The following PDE4B variants were observed in gnomAD, a reference collection of about 807,000 sequenced individuals.
PDE4B encodes the protein phosphodiesterase 4B.
In PDE4B, 20 loss-of-function variants were observed where a neutral mutation model predicts 82.2. The observed-to-expected ratio is 0.24, with a 90% confidence interval of 0.17 to 0.35. The LOEUF (loss-of-function observed/expected upper bound fraction) is 0.35, where lower values mean the gene tolerates loss of function less well. Ranked by LOEUF, PDE4B falls within the 10% of genes least tolerant of loss-of-function variation. The probability of loss-of-function intolerance (pLI) is 1.00; values close to 1 mark genes in which losing one functional copy is unlikely to be tolerated. For synonymous variants in PDE4B, 320 were observed against 318.9 expected (o/e 1.00, Z -0.04); for missense variants, 655 against 907.2 (o/e 0.72, Z 3.57).
intron 3 of PDE4B, among the ~76,000 whole-genome samples, chr1:66,164,535 CAAAAAAAAAAAAA>C: frequency 2.1e-5 from 1 of 48,558 alleles, no homozygotes; most frequent in South Asian, 1.4e-3. Context: ...GACTCCGTCT[CAAAAAAAAAAAAA>C]AAAAAAAAAA....
At chr1:66,331,773 A>T (rs1660127303) in intron 7 of PDE4B, 1 of 985,174 alleles carries the variant, frequency 1.0e-6, no homozygotes, top group African/African-American at 1.7e-5. Flanking sequence ...GAGCTGCAGG[A>T]CTCCCAGGCC....
intron 3 of PDE4B, among the ~76,000 whole-genome samples, chr1:66,156,705 A>T (rs1220073162): frequency 1.3e-5 from 2 of 152,128 alleles, no homozygotes; most frequent in African/African-American, 4.8e-5. Context: ...CAGTCAAGTC[A>T]GATCTGGTTT....
intron 3 of PDE4B, among the ~76,000 whole-genome samples, chr1:65,926,761 C>A (rs1026789243): frequency 6.7e-6 from 1 of 148,996 alleles, no homozygotes. Context: ...GTTAATTATC[C>A]ACGGATGAGG....
chr1:65,920,959 C>CTTTTTTTTT (rs71058435), intron 3 of PDE4B, among the ~76,000 whole-genome samples: 3 of 68,150 alleles, frequency 4.4e-5, no homozygotes, highest in Admixed American at 3.9e-4. Context: ...AAAAGCATTT[C>CTTTTTTTTT]TTTTTTTTTT....
intron 1 of PDE4B, among the ~76,000 whole-genome samples, chr1:65,830,012 T>C (rs1337927973): frequency 3.3e-5 from 5 of 152,130 alleles, no homozygotes; most frequent in African/African-American, 1.2e-4. Flanking sequence ...CAAGGGACTC[T>C]TAAGACATGG....
At chr1:66,274,078 T>C (rs1361645015) in intron 7 of PDE4B, among the ~76,000 whole-genome samples, 1 of 152,244 alleles carries the variant, frequency 6.6e-6, no homozygotes, top group Non-Finnish European at 1.5e-5. Context: ...AAGTAGCATA[T>C]TGAATGGAAT....
At chr1:66,202,472 G>A (rs1570458924) in intron 3 of PDE4B, among the ~76,000 whole-genome samples, 1 of 152,068 alleles carries the variant, frequency 6.6e-6, no homozygotes, top group Non-Finnish European at 1.5e-5. Flanking sequence ...TTATTATTTT[G>A]TGGGAGTCTA....
chr1:65,866,654 C>T (rs1273701624), intron 1 of PDE4B, among the ~76,000 whole-genome samples: 6 of 152,162 alleles, frequency 3.9e-5, no homozygotes, highest in Non-Finnish European at 8.8e-5. Flanking sequence ...TCATAGCAAC[C>T]TCTAGATATG....
chr1:65,974,603 T>G (rs1650312929), intron 3 of PDE4B, among the ~76,000 whole-genome samples: 1 of 152,174 alleles, frequency 6.6e-6, no homozygotes, highest in South Asian at 2.1e-4. Context: ...TGCCCAAATC[T>G]CATATTGAAT....
chr1:66,303,592 C>T (rs1570656504), intron 7 of PDE4B, among the ~76,000 whole-genome samples: 1 of 152,122 alleles, frequency 6.6e-6, no homozygotes, highest in East Asian at 1.9e-4. Flanking sequence ...TAAAGCCATC[C>T]AAGACAGTAC....
At chr1:65,890,652 G>C (rs576093074) in intron 1 of PDE4B, among the ~76,000 whole-genome samples, 1 of 151,982 alleles carries the variant, frequency 6.6e-6, no homozygotes, top group African/African-American at 2.4e-5. Context: ...AGAGTCCCAC[G>C]AGAGTGGTGG....
chr1:66,146,643 A>G (rs1335186953), intron 3 of PDE4B, among the ~76,000 whole-genome samples: 1 of 152,180 alleles, frequency 6.6e-6, no homozygotes, highest in Non-Finnish European at 1.5e-5. Flanking sequence ...GTCAGACCTC[A>G]CAACTCTGAG....
In PDE4B at chr1:66,187,298, T is replaced by C. The variant is rs1043960948; in HGVS notation, c.282-60162T>C. On this transcript the variant is annotated intron_variant, in intron 3 of 16. Transcript: ENST00000341517. ...AGAATATTGGTCTAAAATTCTCTTT[T>C]TTGGTTGTGTCTCTGCCAGTCTTTG... 2.0e-5 allele frequency among the ~76,000 whole-genome samples: 3 copies of C among 151,942 alleles called. No individual in the cohort carries two copies. The South Asian group carries it at 6.3e-4, about 32-fold the overall frequency.
Position 65,824,055 on chromosome 1 carries a change from C to T in PDE4B, c.-71+30807C>T, listed in dbSNP as rs114121733. Among the ~76,000 whole-genome samples the T allele has an allele frequency of 1.7e-3, 260 of 152,276 alleles. 1 individual carries two copies. In the Middle Eastern group the frequency reaches 0.027, roughly 16 times the overall value. ...AGTTATAATCCTTCATTCTCACCCC[C>T]CATCTCAGTGCATTTTATATACTAG... is the stretch of plus-strand genomic sequence containing the variant. On this transcript the variant is annotated intron_variant, in intron 1 of 16. Transcript: ENST00000341517.
At chr1:66,221,972 T>C (rs1378513425) in intron 3 of PDE4B, among the ~76,000 whole-genome samples, 1 of 152,140 alleles carries the variant, frequency 6.6e-6, no homozygotes, top group Non-Finnish European at 1.5e-5. Flanking sequence ...AAAATAACAG[T>C]TGTTTAAACA....
intron 3 of PDE4B, among the ~76,000 whole-genome samples, chr1:66,056,488 C>G (rs200517115): frequency 8.2e-6 from 1 of 121,214 alleles, no homozygotes; most frequent in African/African-American, 3.1e-5. Context: ...TATCTATCAT[C>G]TATCTATCTA....
chr1:65,872,592 G>A (rs756292644), intron 1 of PDE4B, among the ~76,000 whole-genome samples: 2 of 152,154 alleles, frequency 1.3e-5, no homozygotes, highest in Non-Finnish European at 2.9e-5. Flanking sequence ...TGAAGCAGAG[G>A]AAAAAGCAGC....
At chr1:66,042,103 A>G (rs1158643170) in intron 3 of PDE4B, among the ~76,000 whole-genome samples, 1 of 151,926 alleles carries the variant, frequency 6.6e-6, no homozygotes, top group Non-Finnish European at 1.5e-5. Context: ...GTCATTAATC[A>G]TTCACTAATT....
intron 8 of PDE4B, among the ~76,000 whole-genome samples, chr1:66,335,354 T>C (rs1284568529): frequency 6.6e-6 from 1 of 152,236 alleles, no homozygotes; most frequent in African/African-American, 2.4e-5. Context: ...GAGGGGTATT[T>C]GGGAATTACA....
Sources: allele counts gnomAD v4.1 joint callset (sites outside exome capture counted in the v4.1 genomes callset), GRCh38; gene constraint gnomAD v4.1.1; transcripts MANE v1.5; gene names NCBI Gene and HGNC (gene_info 2026-07-23, HGNC 2026-07-21).